The following ATF2 variants were observed in gnomAD, a reference collection of about 807,000 sequenced individuals.
ATF2 encodes cyclic AMP-dependent transcription factor ATF-2.
Under a neutral mutation model 60.6 loss-of-function variants are expected in ATF2, and 24 were observed. The ratio of observed to expected loss-of-function variants is 0.40; its 90% CI spans 0.29 to 0.56. The LOEUF is 0.56. Among genes scored for constraint, ATF2 ranks in the 20% least tolerant of loss-of-function variants. The pLI, the probability that ATF2 is intolerant of heterozygous loss-of-function variation, is 0.54. For missense variants in ATF2, 433 were observed against 607.7 expected (o/e 0.71, Z 3.02); for synonymous variants, 206 against 215.4 (o/e 0.96, Z 0.38).
chr2:175,157,290 T>C (rs572401469), intron 1 of ATF2, among the ~76,000 whole-genome samples: 10 of 152,224 alleles, frequency 6.6e-5, no homozygotes, highest in Non-Finnish European at 1.2e-4. Flanking sequence ...AGGCAAGTTA[T>C]TTCCAAACAG....
chr2:175,124,655 ACT>A (rs1024013711), intron 4 of ATF2, among the ~76,000 whole-genome samples: 14 of 151,808 alleles, frequency 9.2e-5, no homozygotes, highest in African/African-American at 1.2e-4. Flanking sequence ...TGATATATTC[ACT>A]GTCTCTCTCA....
chr2:175,137,855 A>G (rs991055460), intron 2 of ATF2, among the ~76,000 whole-genome samples: 4 of 152,296 alleles, frequency 2.6e-5, no homozygotes, highest in South Asian at 2.1e-4. Flanking sequence ...CCTAGCTAAG[A>G]GAGTTATAAA....
At chr2:175,125,342 G>A (rs561649326) in intron 4 of ATF2, among the ~76,000 whole-genome samples, 2 of 152,068 alleles carry the variant, frequency 1.3e-5, no homozygotes, top group Non-Finnish European at 2.9e-5. Flanking sequence ...ACAAATGGAT[G>A]AGTAGCCAGG....
At chr2:175,130,252 A>G in intron 3 of ATF2, 45 bp from the exon 4 acceptor site, 1 of 1,215,286 alleles carries the variant, frequency 8.2e-7, no homozygotes, top group Non-Finnish European at 1.1e-6. Flanking sequence ...TTTTAAAATA[A>G]AGAATAATTT....
At chr2:175,136,349 A>G (rs1423754701) in intron 3 of ATF2, 63 bp downstream of exon 3, 22 of 1,465,464 alleles carry the variant, frequency 1.5e-5, no homozygotes, top group Non-Finnish European at 1.9e-5. Context: ...GAAACAAGCT[A>G]TAAAGATTTT....
intron 1 of ATF2, among the ~76,000 whole-genome samples, chr2:175,158,423 T>C (rs140919220): frequency 6.6e-6 from 1 of 152,074 alleles, no homozygotes; most frequent in East Asian, 1.9e-4. Context: ...GGTCTCACGA[T>C]GTTGCCCAGG....
intron 1 of ATF2, 130 bp downstream of exon 1, chr2:175,167,920 G>A (rs1700480066): frequency 1.1e-5 from 4 of 361,888 alleles, no homozygotes; most frequent in Middle Eastern, 8.1e-4. Context: ...TAAGGAGCAC[G>A]TCAGGAGCAC....
intron 2 of ATF2, among the ~76,000 whole-genome samples, chr2:175,141,569 TG>T (rs1187757177): frequency 6.6e-6 from 1 of 152,016 alleles, no homozygotes; most frequent in East Asian, 1.9e-4. Flanking sequence ...CTCGGTTCAC[TG>T]TAAGCTCCAT....
chr2:175,098,284 G>A (rs1241787136), intron 10 of ATF2, among the ~76,000 whole-genome samples: 1 of 152,166 alleles, frequency 6.6e-6, no homozygotes, highest in Non-Finnish European at 1.5e-5. Context: ...GTTTTGTTAT[G>A]ATCTGTAAAT....
At chr2:175,109,537 A>G (rs954777013) in intron 10 of ATF2, among the ~76,000 whole-genome samples, 2 of 152,240 alleles carry the variant, frequency 1.3e-5, no homozygotes, top group Admixed American at 1.3e-4. Context: ...GGTTAAGTGT[A>G]AAGTTTAACA....
At chr2:175,118,169 TA>T in intron 6 of ATF2, 51 bp from the exon 7 acceptor site, 1 of 1,595,654 alleles carries the variant, frequency 6.3e-7, no homozygotes, top group Non-Finnish European at 8.5e-7. Context: ...ACAGTGTGTC[TA>T]AATTTAAAAA....
At chr2:175,090,208 T>C (rs1574336252) in intron 12 of ATF2, among the ~76,000 whole-genome samples, 1 of 152,260 alleles carries the variant, frequency 6.6e-6, no homozygotes, top group East Asian at 1.9e-4. Flanking sequence ...ATGCCATCTC[T>C]CTCTATGGAT....
intron 1 of ATF2, among the ~76,000 whole-genome samples, chr2:175,156,302 C>T (rs528121858): frequency 6.1e-5 from 8 of 132,102 alleles, no homozygotes; most frequent in Admixed American, 5.3e-4. Context: ...ACCTGGGAGG[C>T]GGAGGTTGCA....
intron 3 of ATF2, among the ~76,000 whole-genome samples, chr2:175,131,838 T>TATCA (rs1428538272): frequency 6.6e-6 from 1 of 152,188 alleles, no homozygotes; most frequent in African/African-American, 2.4e-5. Flanking sequence ...GTTTATGTAC[T>TATCA]ATCAATACTG....
intron 10 of ATF2, among the ~76,000 whole-genome samples, chr2:175,102,637 T>C (rs929588514): frequency 2.6e-5 from 4 of 151,870 alleles, no homozygotes; most frequent in African/African-American, 4.8e-5. Flanking sequence ...GGTGTGGTGG[T>C]GCATGCCTGT....
At chr2:175,141,365 T>TTTA (rs1359326120) in intron 2 of ATF2, among the ~76,000 whole-genome samples, 6 of 152,106 alleles carry the variant, frequency 3.9e-5, no homozygotes, top group African/African-American at 7.2e-5. Flanking sequence ...TGGCAGGGGC[T>TTTA]TAATAAAGTG....
chr2:175,110,658 G>A (rs955106111), intron 10 of ATF2, among the ~76,000 whole-genome samples: 10 of 152,078 alleles, frequency 6.6e-5, no homozygotes, highest in African/African-American at 2.4e-4. Context: ...AGGCTGGAGT[G>A]CAATAGTGCG....
In ATF2 at chr2:175,114,864, A is replaced by G; in HGVS notation, c.452T>C (p.Val151Ala). ...GGGCTGTGCAGTTTGTGCCAATGGT[A>G]CTTCCTATTTAACAATGAGATAAAA... is the stretch of plus-strand genomic sequence containing the variant. ...PESTTSDEKE[V>A]PLAQTAQPTS... Residue 151 changes from valine to alanine, a missense_variant, in exon 8 of 14, where the codon GTA becomes GCA. Coordinates refer to ENST00000264110, the MANE Select transcript of ATF2 (RefSeq NM_001880.4). 6.2e-7 allele frequency: 1 copy of G among 1,610,900 alleles called. No homozygotes were observed. Among genetic ancestry groups the G allele is most frequent in the Non-Finnish European group, 8.5e-7 (1 of 1,177,780 alleles).
intron 10 of ATF2, 93 bp from the exon 11 acceptor site, chr2:175,097,686 CCT>C (rs1695027078): frequency 7.2e-7 from 1 of 1,386,746 alleles, no homozygotes; most frequent in African/African-American, 1.5e-5. Flanking sequence ...GGGTAGTTTC[CCT>C]GAGTCCTTTT....
Sources: allele counts gnomAD v4.1 joint callset (sites outside exome capture counted in the v4.1 genomes callset), GRCh38; gene constraint gnomAD v4.1.1; transcripts MANE v1.5; gene names NCBI Gene and HGNC (gene_info 2026-07-23, HGNC 2026-07-21).